HPX: variants seen among roughly 807,000 people sequenced by gnomAD.
HPX encodes the protein hemopexin.
Under a neutral mutation model 53.8 loss-of-function variants are expected in HPX, and 42 were observed. That is an observed-to-expected ratio of 0.78 (90% CI 0.61 to 1.01). HPX has a LOEUF of 1.01. Ranked by LOEUF, HPX falls within the 50% of genes least tolerant of loss-of-function variation. HPX has a pLI of 0.00. For synonymous variants in HPX, 229 were observed against 221.1 expected (o/e 1.04, Z -0.32); for missense variants, 547 against 594.3 (o/e 0.92, Z 0.83).
intron 5 of HPX, 49 bp downstream of exon 5, chr11:6,438,307 C>T (rs1181960144): frequency 6.3e-7 from 1 of 1,591,852 alleles, no homozygotes; most frequent in South Asian, 1.1e-5. Context: ...ACTGGCATCA[C>T]TACCAACCCA....
intron 6 of HPX, 108 bp downstream of exon 6, chr11:6,437,332 C>G: frequency 7.4e-7 from 1 of 1,358,190 alleles, no homozygotes; most frequent in African/African-American, 1.4e-5. Context: ...GATTAAGGGC[C>G]AAGGTGTCGC....
At chr11:6,437,983 A>G (rs1047695866) in intron 5 of HPX, 1 of 519,632 alleles carries the variant, frequency 1.9e-6, no homozygotes, top group African/African-American at 1.9e-5. Context: ...AACTGAGTGT[A>G]CAGAGAATAG....
At chr11:6,435,105 A>T (rs1000383822) in intron 7 of HPX, among the ~76,000 whole-genome samples, 3 of 151,814 alleles carry the variant, frequency 2.0e-5, no homozygotes, top group Non-Finnish European at 4.4e-5. Context: ...GTACATTGTA[A>T]CCCAAAAAAA....
At chr11:6,437,199 G>T (rs769101799) in intron 6 of HPX, 22 bp from the exon 7 acceptor site, 2 of 1,607,678 alleles carry the variant, frequency 1.2e-6, no homozygotes, top group South Asian at 2.2e-5. Context: ...AATGGGTGAG[G>T]AGAACACAGA....
At chr11:6,432,972 GCCTA>G (rs1442548138) in intron 7 of HPX, among the ~76,000 whole-genome samples, 1 of 152,074 alleles carries the variant, frequency 6.6e-6, no homozygotes, top group Admixed American at 6.6e-5. Context: ...CAAATCAGCT[GCCTA>G]CCTGACATGC....
At chr11:6,434,439 C>T (rs1240154341) in intron 7 of HPX, among the ~76,000 whole-genome samples, 3 of 152,206 alleles carry the variant, frequency 2.0e-5, no homozygotes, top group African/African-American at 7.2e-5. Context: ...GAGCAATCCT[C>T]CCACCTCAGC....
intron 7 of HPX, among the ~76,000 whole-genome samples, chr11:6,434,613 G>C (rs1169587806): frequency 6.6e-6 from 1 of 152,168 alleles, no homozygotes; most frequent in African/African-American, 2.4e-5. Flanking sequence ...TTATAGGCAT[G>C]AGCCACCACA....
chr11:6,432,503 T>C (rs1849363638), intron 7 of HPX, among the ~76,000 whole-genome samples: 1 of 152,176 alleles, frequency 6.6e-6, no homozygotes, highest in Non-Finnish European at 1.5e-5. Context: ...TCACAACAAC[T>C]TATTAAGGAA....
At chr11:6,432,561 A>T (rs1849364111) in intron 7 of HPX, among the ~76,000 whole-genome samples, 1 of 151,922 alleles carries the variant, frequency 6.6e-6, no homozygotes, top group South Asian at 2.1e-4. Context: ...CTTCAATTAC[A>T]CTTCTGTTTC....
At chr11:6,437,393 GA>G (rs756148101) in intron 6 of HPX, 46 bp downstream of exon 6, 3 of 1,547,980 alleles carry the variant, frequency 1.9e-6, no homozygotes, top group African/African-American at 1.4e-5. Flanking sequence ...CAAGCTCAGG[GA>G]AAGTGGATGA....
chr11:6,432,278 A>G, intron 7 of HPX: 2 of 518,704 alleles, frequency 3.9e-6, no homozygotes, highest in South Asian at 4.4e-5. Context: ...GGTAAGGCCA[A>G]CATCATGGGG....
At chr11:6,440,408 C>A in intron 3 of HPX, 59 bp downstream of exon 3, 1 of 1,591,162 alleles carries the variant, frequency 6.3e-7, no homozygotes, top group Non-Finnish European at 8.6e-7. Context: ...GACAGGGACA[C>A]CCTTTGTGAA....
intron 7 of HPX, among the ~76,000 whole-genome samples, chr11:6,434,954 C>T (rs1467102435): frequency 2.0e-5 from 3 of 152,096 alleles, no homozygotes; most frequent in South Asian, 2.1e-4. Context: ...AGGGGCCAGG[C>T]GTGGTTGCTC....
chr11:6,440,844 A>C (rs755220039), intron 1 of HPX, 37 bp downstream of exon 1: 153 of 1,607,720 alleles, frequency 9.5e-5, no homozygotes, highest in Non-Finnish European at 1.2e-4. Context: ...CCTAGCCCAG[A>C]ACTCAATCCT....
chr11:6,438,236 C>T (rs1307228477), intron 5 of HPX, 120 bp downstream of exon 5: 2 of 1,056,882 alleles, frequency 1.9e-6, no homozygotes, highest in Non-Finnish European at 2.8e-6. Context: ...CTCTATTTCC[C>T]TTCCTTAAAA....
chr11:6,435,139 G>A (rs1458752709), intron 7 of HPX, among the ~76,000 whole-genome samples: 4 of 152,114 alleles, frequency 2.6e-5, no homozygotes, highest in African/African-American at 9.7e-5. Flanking sequence ...GCCAGGCATG[G>A]TGGTATGCGC....
chr11:6,440,980 C>T lies in HPX; in HGVS notation c.-17G>A. The T allele has an allele frequency of 6.3e-7, 1 of 1,581,696 alleles. No individual in the cohort carries two copies. The highest frequency in any genetic ancestry group is 8.6e-7 in the Non-Finnish European group (1 of 1,158,898). ...CCTAGCCATGCTGAGCTGCAGAGGC[C>T]ACAGGACAGCTCTGGGTGACCAGTT... On this transcript the variant is annotated 5_prime_UTR_variant, in exon 1 of 10. Coordinates refer to ENST00000265983, the MANE Select transcript of HPX (RefSeq NM_000613.3).
At chr11:6,432,163 GAGCAAGACTTGGTC>G in intron 7 of HPX, 146 bp from the exon 8 acceptor site, 1 of 855,316 alleles carries the variant, frequency 1.2e-6, no homozygotes, top group Non-Finnish European at 1.8e-6. Flanking sequence ...AGGAGAAATA[GAGCAAGACTTGGTC>G]AGCAATGTTG....
At position 6,431,715 on chromosome 11, in the gene HPX, G is replaced by A; in HGVS notation, c.1055C>T (p.Pro352Leu). 6.2e-7 allele frequency: 1 copy of A among 1,614,206 alleles called. No homozygotes were observed. The highest frequency in any genetic ancestry group is 1.1e-5 in the South Asian group (1 of 91,086). The change falls in exon 9 of 10, where the codon CCT becomes CTT. Residue 352 changes from proline to leucine, a missense_variant. Physicochemically the swap from Pro to Leu is moderately conservative, Grantham distance 98. Transcript: ENST00000265983. ...PKRLEKEVGTPHGIILDSVDA... is the reference protein window; with the variant it reads ...PKRLEKEVGTLHGIILDSVDA... ...CACAGAGTCCAGGATAATCCCATGAGGGGTCCCGACTTCCTTCTCCAGCCG... is the reference window on the plus strand; with the variant it reads ...CACAGAGTCCAGGATAATCCCATGAAGGGTCCCGACTTCCTTCTCCAGCCG...
Sources: gnomAD v4.1 joint callset for allele counts (sites outside exome capture counted in the v4.1 genomes callset) on GRCh38, gnomAD v4.1.1 for gene constraint, MANE v1.5 for transcripts, NCBI Gene and HGNC (gene_info 2026-07-23, HGNC 2026-07-21) for gene names.